Variants in TENM3 observed in about 807,000 individuals in gnomAD.
The protein encoded by TENM3 is teneurin-3.
Under a neutral mutation model 255.1 loss-of-function variants are expected in TENM3, and 63 were observed. The observed-to-expected ratio is 0.25, with a 90% CI of 0.20 to 0.30. The LOEUF (loss-of-function observed/expected upper bound fraction) is 0.30. Among genes scored for constraint, TENM3 ranks in the 10% least tolerant of loss-of-function variants. The pLI is 1.00. For synonymous variants in TENM3, 1,306 were observed against 1,322.3 expected, an observed-to-expected ratio of 0.99 and a Z score of 0.27; for missense variants, 2,929 against 3,461.1, an observed-to-expected ratio of 0.85 and a Z score of 3.86.
chr4:182,308,250 G>A (rs200702344), intron 1 of TENM3, among the ~76,000 whole-genome samples: 210 of 152,240 alleles, frequency 1.4e-3, no homozygotes, highest in Non-Finnish European at 2.4e-3. Context: ...CAGATGACCC[G>A]ATGCCTGGGT....
chr4:182,199,557 A>C (rs1754048666), intron 1 of TENM3, among the ~76,000 whole-genome samples: 1 of 152,148 alleles, frequency 6.6e-6, no homozygotes. Context: ...AAATCGACCC[A>C]TGAAAAAGTG....
intron 7 of TENM3, among the ~76,000 whole-genome samples, chr4:182,673,597 T>C (rs1755407083): frequency 6.6e-6 from 1 of 152,224 alleles, no homozygotes; most frequent in African/African-American, 2.4e-5. Context: ...CTCTAACACG[T>C]ATTCATTCTG....
At chr4:181,578,021 C>T in the TENM3 span, among the ~76,000 whole-genome samples, 50,814 of 151,908 alleles carry the variant, frequency 0.33, 8,768 homozygotes, top group Middle Eastern at 0.47. Context: ...TTCTTCACAG[C>T]CCCCACGTCT....
At chr4:182,455,727 A>G (rs1038046015) in intron 3 of TENM3, among the ~76,000 whole-genome samples, 1 of 151,618 alleles carries the variant, frequency 6.6e-6, no homozygotes, top group Admixed American at 6.6e-5. Context: ...ACACCCAGCT[A>G]ATTTTGTGTA....
At chr4:181,894,995 T>C in the TENM3 span, among the ~76,000 whole-genome samples, 1 of 152,196 alleles carries the variant, frequency 6.6e-6, no homozygotes, top group East Asian at 1.9e-4. Context: ...TTTCAATTGA[T>C]GTCTCCTTTA....
At chr4:182,319,900 G>A (rs1353143340) in intron 1 of TENM3, among the ~76,000 whole-genome samples, 1 of 152,186 alleles carries the variant, frequency 6.6e-6, no homozygotes, top group South Asian at 2.1e-4. Context: ...ATCACCTGAC[G>A]TCAGGAGTTT....
chr4:182,042,078 G>A, the TENM3 span, among the ~76,000 whole-genome samples: 291 of 152,184 alleles, frequency 1.9e-3, 2 homozygotes, highest in Non-Finnish European at 3.6e-3. Flanking sequence ...TGTATGGTGT[G>A]GTGTGGTATG....
chr4:181,798,504 G>T, the TENM3 span, among the ~76,000 whole-genome samples: 2 of 151,978 alleles, frequency 1.3e-5, no homozygotes, highest in Non-Finnish European at 2.9e-5. Flanking sequence ...TAGCATCATG[G>T]TGCTTAGGAA....
the TENM3 span, among the ~76,000 whole-genome samples, chr4:181,697,180 G>A: frequency 1.3e-5 from 2 of 152,160 alleles, no homozygotes; most frequent in African/African-American, 4.8e-5. Flanking sequence ...GGACGGGCAT[G>A]GTCTTTTGTT....
the TENM3 span, among the ~76,000 whole-genome samples, chr4:181,749,592 G>T: frequency 6.6e-6 from 1 of 152,108 alleles, no homozygotes; most frequent in African/African-American, 2.4e-5. Context: ...GAGCACTCTG[G>T]CTAGCAGTGT....
At chr4:182,751,601 C>T (rs1762373583) in intron 19 of TENM3, among the ~76,000 whole-genome samples, 199 bp from the exon 20 acceptor site, 1 of 152,170 alleles carries the variant, frequency 6.6e-6, no homozygotes, top group Non-Finnish European at 1.5e-5. Flanking sequence ...GGAAGGCAAA[C>T]AGTAATATCA....
At chr4:181,680,150 C>T in the TENM3 span, among the ~76,000 whole-genome samples, 387 of 151,998 alleles carry the variant, frequency 2.5e-3, 1 homozygote, top group African/African-American at 8.6e-3. Context: ...AACCCTTTGC[C>T]GCCTTAAGCT....
intron 4 of TENM3, 78 bp downstream of exon 4, chr4:182,601,239 G>T (rs1747821040): frequency 8.5e-7 from 1 of 1,182,132 alleles, no homozygotes; most frequent in African/African-American, 1.5e-5. Flanking sequence ...ACATATTCTG[G>T]TGTGGTGTTT....
At position 182,796,223 on chromosome 4, in the gene TENM3, G is replaced by A. The variant is rs79246524; in HGVS notation, c.7214-414G>A. 1.6e-3 allele frequency among the ~76,000 whole-genome samples: 237 copies of A among 152,316 alleles called. No individual in the cohort carries two copies. The East Asian group carries it at 0.041, about 26-fold the overall frequency. ...GAAGTCCGCATATCCTTGGGCAATC[G>A]CTTTGGAGAGCTAATAACACACAAC... On this transcript the variant is annotated intron_variant, in intron 26 of 27. Coordinates refer to ENST00000511685, the MANE Select transcript of TENM3 (RefSeq NM_001080477.4).
At chr4:181,723,034 C>T in the TENM3 span, among the ~76,000 whole-genome samples, 444 of 152,196 alleles carry the variant, frequency 2.9e-3, 2 homozygotes, top group African/African-American at 0.01. Flanking sequence ...GACTTAATTA[C>T]AGCACAACAC....
chr4:181,683,128 A>T, the TENM3 span, among the ~76,000 whole-genome samples: 2 of 152,156 alleles, frequency 1.3e-5, no homozygotes, highest in Admixed American at 1.3e-4. Flanking sequence ...GTGACAGCAA[A>T]TAACATTGGA....
the TENM3 span, among the ~76,000 whole-genome samples, chr4:181,512,114 A>T: frequency 6.6e-6 from 1 of 152,154 alleles, no homozygotes; most frequent in Non-Finnish European, 1.5e-5. Context: ...CATGAGGTCA[A>T]CATCCCAGAT....
intron 3 of TENM3, among the ~76,000 whole-genome samples, chr4:182,499,325 C>T (rs922953443): frequency 3.9e-5 from 6 of 152,214 alleles, no homozygotes; most frequent in Non-Finnish European, 7.3e-5. Flanking sequence ...TTTACAATTA[C>T]GCTCTGAAGT....
At chr4:182,439,720 C>T (rs1391648759) in intron 3 of TENM3, among the ~76,000 whole-genome samples, 1 of 152,180 alleles carries the variant, frequency 6.6e-6, no homozygotes, top group Non-Finnish European at 1.5e-5. Flanking sequence ...TCCTTTAGAT[C>T]GAAAATTGCT....
Sources: allele counts gnomAD v4.1 joint callset (sites outside exome capture counted in the v4.1 genomes callset), GRCh38; gene constraint gnomAD v4.1.1; transcripts MANE v1.5; gene names NCBI Gene and HGNC (gene_info 2026-07-23, HGNC 2026-07-21).